The following PTGER3 variants were observed in gnomAD, a reference collection of about 807,000 sequenced individuals.
PTGER3 encodes the protein prostaglandin E receptor 3.
Under a neutral mutation model 34.7 loss-of-function variants are expected in PTGER3, and 22 were observed. The ratio of observed to expected loss-of-function variants is 0.63; its 90% CI spans 0.45 to 0.91. The LOEUF is 0.91. PTGER3 is among the 40% of genes least tolerant of loss of function. The pLI is 0.00. For missense variants in PTGER3, 468 were observed against 519.4 expected (o/e 0.90, Z 0.96); for synonymous variants, 241 against 230.1 (o/e 1.05, Z -0.43).
At chr1:71,005,927 G>T in intron 2 of PTGER3, 1 of 740,932 alleles carries the variant, frequency 1.3e-6, no homozygotes, top group Non-Finnish European at 1.6e-6. Flanking sequence ...AGGGCACAGA[G>T]CGATGTTTCG....
intron 4 of PTGER3, among the ~76,000 whole-genome samples, chr1:70,902,935 C>T (rs1424487580): frequency 6.6e-6 from 1 of 152,056 alleles, no homozygotes; most frequent in African/African-American, 2.4e-5. Context: ...GTCCTAATTC[C>T]CAGAACCTGT....
At position 70,903,883 on chromosome 1, in the gene PTGER3, G is replaced by A. The variant is rs1465382571; in HGVS notation, c.*23+49880C>T. 2.6e-5 allele frequency among the ~76,000 whole-genome samples: 4 copies of A among 152,160 alleles called. No homozygotes were observed. The East Asian group carries it at 5.8e-4, about 22-fold the overall frequency. On this transcript the variant is annotated intron_variant, in intron 4 of 4. Transcript: ENST00000370931. ...ATCTCAGTTTTCTCTTCTGTAAAAT[G>A]AGCATAAAAATTCTTCCCTCGGTTG... is the stretch of plus-strand genomic sequence containing the variant.
chr1:71,030,144 G>A (rs1157776702), intron 1 of PTGER3, among the ~76,000 whole-genome samples: 1 of 151,712 alleles, frequency 6.6e-6, no homozygotes, highest in Non-Finnish European at 1.5e-5. Flanking sequence ...GGTAGGGATG[G>A]AAAAAAATGG....
chr1:70,855,896 C>A (rs934258647), intron 4 of PTGER3, among the ~76,000 whole-genome samples: 5 of 152,110 alleles, frequency 3.3e-5, no homozygotes, highest in Non-Finnish European at 7.4e-5. Flanking sequence ...TAGAGTTGTA[C>A]TGGGGAAGTG....
At chr1:71,008,969 C>T (rs1156715330) in intron 2 of PTGER3, 2 of 982,462 alleles carry the variant, frequency 2.0e-6, no homozygotes, top group Non-Finnish European at 2.4e-6. Context: ...AGATATTATG[C>T]ATGTCTAAAA....
intron 1 of PTGER3, among the ~76,000 whole-genome samples, chr1:71,045,131 G>A (rs758516229): frequency 1.3e-5 from 2 of 152,146 alleles, no homozygotes; most frequent in Non-Finnish European, 2.9e-5. Context: ...CGACTTGTGG[G>A]CAGTTAGGTC....
chr1:70,892,973 G>T (rs1186049238), intron 4 of PTGER3, among the ~76,000 whole-genome samples: 1 of 151,656 alleles, frequency 6.6e-6, no homozygotes, highest in African/African-American at 2.4e-5. Flanking sequence ...TCTGATCTAT[G>T]TGCTTTCTGT....
intron 3 of PTGER3, among the ~76,000 whole-genome samples, chr1:70,972,221 G>C (rs1206944155): frequency 6.6e-6 from 1 of 152,108 alleles, no homozygotes; most frequent in Non-Finnish European, 1.5e-5. Context: ...TACTTGGGAG[G>C]CTGAGGCAGG....
intron 2 of PTGER3, 152 bp from the exon 3 acceptor site, chr1:70,974,540 TG>T (rs1305096070): frequency 5.3e-6 from 3 of 570,788 alleles, no homozygotes; most frequent in Non-Finnish European, 3.2e-6. Flanking sequence ...TCTACTTCCA[TG>T]CTTTGACTCA....
chr1:70,941,659 G>C (rs1044478151), intron 4 of PTGER3, among the ~76,000 whole-genome samples: 10 of 152,070 alleles, frequency 6.6e-5, no homozygotes, highest in African/African-American at 2.2e-4. Flanking sequence ...CAGGAATTAA[G>C]AGTTACTAGA....
At chr1:70,933,210 A>G (rs1258049493) in intron 4 of PTGER3, among the ~76,000 whole-genome samples, 1 of 152,142 alleles carries the variant, frequency 6.6e-6, no homozygotes, top group African/African-American at 2.4e-5. Flanking sequence ...CTATTCTTTA[A>G]GACTTATAGC....
Position 71,047,327 on chromosome 1 carries a change from C to T in PTGER3, c.251G>A (p.Arg84His), listed in dbSNP as rs1282118933. Residue 84 changes from arginine to histidine, a missense_variant, in exon 1 of 4, where the codon CGC becomes CAC. Around this residue, in one of 5 missense-constraint regions of PTGER3, gnomAD observed 151 missense variants for 133.5 expected, o/e 1.13. Coordinates refer to ENST00000306666, the MANE Select transcript of PTGER3 (RefSeq NM_198719.2). The stretch of plus-strand genomic sequence containing the variant: ...GATGCACAGCAGGAAGGACTTCTTG[C>T]GCTTGCTCTCCCGGCGCCGGTAGCT... ...SRSYRRRESK[R>H]KKSFLLCIGW... The T allele has an allele frequency of 6.2e-7, 1 of 1,606,266 alleles. No individual in the cohort carries two copies. Among genetic ancestry groups the T allele is most frequent in the African/African-American group, 1.3e-5 (1 of 74,884 alleles).
chr1:70,954,319 C>T (rs776046555), intron 2 of PTGER3, among the ~76,000 whole-genome samples: 3 of 152,044 alleles, frequency 2.0e-5, no homozygotes, highest in Non-Finnish European at 2.9e-5. Context: ...TCTATTGGAC[C>T]AGTCTTTATA....
intron 4 of PTGER3, among the ~76,000 whole-genome samples, chr1:70,901,226 G>A (rs1454714563): frequency 3.3e-5 from 5 of 152,112 alleles, no homozygotes; most frequent in South Asian, 2.1e-4. Context: ...GTCTTGTTCC[G>A]CAAATGCTCA....
At chr1:70,968,061 C>T (rs1652710814), downstream of PTGER3, among the ~76,000 whole-genome samples, 1 of 152,098 alleles carries the variant, frequency 6.6e-6, no homozygotes, top group African/African-American at 2.4e-5. Flanking sequence ...TTACCCTGGT[C>T]CAACCTCTCT....
chr1:70,967,945 A>G (rs918933026), downstream of PTGER3, among the ~76,000 whole-genome samples: 6 of 152,208 alleles, frequency 3.9e-5, no homozygotes, highest in Non-Finnish European at 7.3e-5. Flanking sequence ...GAACTTAGAT[A>G]AATATACCTT....
At chr1:70,864,430 G>A (rs1388917673) in intron 4 of PTGER3, among the ~76,000 whole-genome samples, 2 of 152,176 alleles carry the variant, frequency 1.3e-5, no homozygotes, top group African/African-American at 4.8e-5. Context: ...AAATGAAGGA[G>A]CTGTGATAGT....
intron 1 of PTGER3, among the ~76,000 whole-genome samples, chr1:71,015,716 T>C (rs1429588468): frequency 1.3e-5 from 2 of 152,114 alleles, no homozygotes; most frequent in Non-Finnish European, 2.9e-5. Flanking sequence ...AAAATACAAT[T>C]ATATAACAAA....
intron 2 of PTGER3, among the ~76,000 whole-genome samples, chr1:70,956,489 T>G (rs1181556445): frequency 1.3e-5 from 2 of 151,910 alleles, no homozygotes; most frequent in African/African-American, 4.8e-5. Flanking sequence ...AATACAGTGA[T>G]GAAATGAAAA....
Sources: gnomAD v4.1 joint callset for allele counts (sites outside exome capture counted in the v4.1 genomes callset) on GRCh38, gnomAD v4.1.1 for gene constraint, gnomAD v4.1.1 regional missense constraint, MANE v1.5 for transcripts, NCBI Gene and HGNC (gene_info 2026-07-23, HGNC 2026-07-21) for gene names.